USH1C: variants seen among roughly 807,000 people sequenced by gnomAD.
USH1C encodes the protein USH1 protein network component harmonin, also known as harmonin.
USH1C carries 90 observed loss-of-function variants against 119.3 expected under a neutral mutation model. That is an observed-to-expected ratio of 0.75 (90% CI 0.64 to 0.90). The LOEUF (loss-of-function observed/expected upper bound fraction) is 0.90. Ranked by LOEUF, USH1C falls within the 40% of genes least tolerant of loss-of-function variation. USH1C has a pLI of 0.00. For missense variants in USH1C, 1,165 were observed against 1,167.7 expected, an observed-to-expected ratio of 1.00 and a Z score of 0.03; for synonymous variants, 465 against 443.3, an observed-to-expected ratio of 1.05 and a Z score of -0.62.
At chr11:17,534,081 G>A (rs928180965) in intron 1 of USH1C, among the ~76,000 whole-genome samples, 1 of 152,260 alleles carries the variant, frequency 6.6e-6, no homozygotes, top group Non-Finnish European at 1.5e-5. Flanking sequence ...TTACCTCAGT[G>A]TGAATCTCTA....
rs768816943 is a variant in USH1C at position 17,509,700 on chromosome 11, T to G, written c.1669A>C (p.Thr557Pro). ...PLDMFYYPPK[T>P]PSALPVMPHP... ...GGCATCACAGGCAAGGCAGAGGGAGTCTTGGGGGGATAGTAGAACATGTCC... is the reference window on the plus strand; with the variant it reads ...GGCATCACAGGCAAGGCAGAGGGAGGCTTGGGGGGATAGTAGAACATGTCC... The change falls in exon 18 of 27, where the codon ACT becomes CCT. Residue 557 changes from threonine (T) to proline (P), a missense_variant. Thr to Pro is a conservative substitution (Grantham distance 38). Transcript: ENST00000005226. 1.7e-5 allele frequency: 27 copies of G among 1,597,236 alleles called. No individual in the cohort carries two copies. In the Admixed American group the frequency reaches 3.9e-4, roughly 23 times the overall value.
chr11:17,495,116 G>A (rs1354761535), intron 26 of USH1C: 3 of 250,994 alleles, frequency 1.2e-5, no homozygotes, highest in African/African-American at 4.4e-5. Context: ...GAGCTCCCAG[G>A]AGGTTGGCAT....
intron 15 of USH1C, 106 bp downstream of exon 15, chr11:17,516,135 G>T: frequency 1.6e-6 from 2 of 1,273,950 alleles, no homozygotes; most frequent in Non-Finnish European, 2.3e-6. Flanking sequence ...AAGTGAACAG[G>T]CCAAGTCACA....
intron 24 of USH1C, 33 bp from the exon 25 acceptor site, chr11:17,496,846 A>C: frequency 6.2e-7 from 1 of 1,613,284 alleles, no homozygotes; most frequent in Non-Finnish European, 8.5e-7. Flanking sequence ...TCTGGGGCAC[A>C]CTCAGTTGGA....
At chr11:17,497,206 T>C (rs544388571) in intron 24 of USH1C, among the ~76,000 whole-genome samples, 3 of 152,332 alleles carry the variant, frequency 2.0e-5, no homozygotes, top group African/African-American at 7.2e-5. Context: ...CGACGCACTT[T>C]CTGATGCACA....
At chr11:17,517,492 GA>G in intron 14 of USH1C, 1 of 1,577,218 alleles carries the variant, frequency 6.3e-7, no homozygotes, top group Admixed American at 1.8e-5. Flanking sequence ...GGGAAAAGAG[GA>G]GGAAGCTGGT....
intron 4 of USH1C, among the ~76,000 whole-genome samples, chr11:17,530,045 C>G (rs545153411): frequency 6.6e-6 from 1 of 152,342 alleles, no homozygotes; most frequent in African/African-American, 2.4e-5. Flanking sequence ...TCAGACACCA[C>G]CAGGGAGCCG....
Position 17,516,552 on chromosome 11 carries a change from T to C in USH1C, c.1211-262A>G, listed in dbSNP as rs1175715356. 11 of 512,074 alleles carry C rather than the reference T, an allele frequency of 2.1e-5. No homozygotes were observed. The Admixed American group carries it at 3.2e-4, about 15-fold the overall frequency. 31.7% of individuals were successfully genotyped at this position (512,074 alleles called of 1,614,324 possible). ...TCTCAAATGCCTCTCCCCAGAACAC[T>C]GGTTTCAGAAGTCAGGGCCAGAACA... On this transcript the variant is annotated intron_variant, in intron 14 of 26. Coordinates refer to ENST00000005226, the MANE Select transcript of USH1C (RefSeq NM_153676.4).
chr11:17,496,933 C>T (rs1849271353), intron 24 of USH1C, 120 bp from the exon 25 acceptor site: 1 of 1,178,684 alleles, frequency 8.5e-7, no homozygotes, highest in Admixed American at 2.0e-5. Flanking sequence ...ACCTTCTTCC[C>T]ACGGGCCCAC....
chr11:17,509,793 C>T lies in USH1C; in HGVS notation c.1576G>A (p.Ala526Thr), dbSNP rs727503711. 6 of 1,600,612 alleles carry T rather than the reference C, an allele frequency of 3.7e-6. No individual in the cohort carries two copies. The highest frequency in any genetic ancestry group is 5.1e-6 in the Non-Finnish European group (6 of 1,179,220). The change falls in exon 18 of 27, where the codon GCC (alanine) becomes ACC (threonine). Residue 526 changes from alanine (A) to threonine (T), a missense_variant. Ala to Thr is a moderately conservative substitution (Grantham distance 58, BLOSUM62 0). Coordinates refer to ENST00000005226, the MANE Select transcript of USH1C (RefSeq NM_153676.4). ...CCTGCGAAGCGTCTCAAGGGTGGGG[C>T]CAGGGGAGACACAGAAGGCGGGGGA... ...PPPPPSVSPL[A>T]PPLRRFAGGL...
rs185991713 is a variant in USH1C, at chr11:17,520,854, G to A, written c.1210+16C>T. On this transcript the variant is annotated intron_variant, in intron 14 of 26. Coordinates refer to ENST00000005226, the MANE Select transcript of USH1C (RefSeq NM_153676.4). The stretch of plus-strand genomic sequence containing the variant: ...ACTAGTTCCCTTAGCCTCTCCCCTC[G>A]GCTCATGAAACTTACACTTTGGCTT... 190 of 1,614,068 alleles carry A rather than the reference G, an allele frequency of 1.2e-4. No individual in the cohort carries two copies. Among genetic ancestry groups the A allele is most frequent in the Admixed American group, 3.7e-4 (22 of 60,014 alleles).
Position 17,504,712 on chromosome 11 carries a change from A to G in USH1C, c.2134-15T>C. On this transcript the variant is annotated splice_polypyrimidine_tract_variant and intron_variant, in intron 19 of 26. Transcript: ENST00000005226. ...ATCTCCTGTGGCTGCCAGAGGAAAA[A>G]AAAAAAAGTTCCACATTGGATGTTA... 6.2e-7 allele frequency: 1 copy of G among 1,613,796 alleles called. No homozygotes were observed.
intron 23 of USH1C, among the ~76,000 whole-genome samples, 162 bp downstream of exon 23, chr11:17,500,888 GC>G (rs1849410164): frequency 6.6e-6 from 1 of 152,210 alleles, no homozygotes; most frequent in South Asian, 2.1e-4. Flanking sequence ...GCCATCCCAT[GC>G]CCCCAGGGAT....
rs775076941 is a variant in USH1C, at chr11:17,522,961, C to G, written c.877-35G>C. ...GAAAAGAGGCCCCTTGCTCAGCCCC[C>G]GGGGAACCTGGGGATCCCCTGACAC... On this transcript the variant is annotated intron_variant, in intron 11 of 26. Transcript: ENST00000005226. 3.1e-6 allele frequency: 5 copies of G among 1,601,694 alleles called. No homozygotes were observed. The South Asian group carries it at 5.6e-5, about 18-fold the overall frequency.
chr11:17,501,945 G>C lies in USH1C; in HGVS notation c.2220C>G (p.Tyr740Ter), dbSNP rs771347766. The change falls in exon 21 of 27, where the codon TAC becomes TAG. Residue 740 changes from tyrosine to a stop codon, truncating the protein, a stop_gained. Transcript: ENST00000005226. LOFTEE classifies it high-confidence loss of function. ...GAGAAGCGTCATCTCTTACCATAGAGTAGGGGTCAAAGCCTTCCTCATATT... is the reference window on the plus strand; with the variant it reads ...GAGAAGCGTCATCTCTTACCATAGACTAGGGGTCAAAGCCTTCCTCATATT... Reference protein sequence around the residue: ...FRKYEEGFDPYSMFTPEQIMG... With the variant: ...FRKYEEGFDP 3 of 1,613,834 alleles carry C rather than the reference G, an allele frequency of 1.9e-6. No homozygotes were observed.
rs200420870 is a variant in USH1C, at chr11:17,495,555, G to A, written c.2655+14C>T. 905 of 1,612,690 alleles carry A rather than the reference G, an allele frequency of 5.6e-4. 2 individuals are homozygous for A. Among genetic ancestry groups the A allele is most frequent in the East Asian group, 5.6e-4 (25 of 44,876 alleles). On this transcript the variant is annotated intron_variant, in intron 26 of 26. Coordinates refer to ENST00000005226, the MANE Select transcript of USH1C (RefSeq NM_153676.4). ...AGGGACACACAGGGCCCTGTGGCCC[G>A]CCTGCCTATTCACCGTGGGCTCCAG...
intron 1 of USH1C, chr11:17,533,677 A>C: frequency 1.6e-5 from 8 of 489,596 alleles, no homozygotes; most frequent in Non-Finnish European, 2.0e-5. Context: ...GCTCACCCCC[A>C]TGGCTGTGTC....
intron 24 of USH1C, among the ~76,000 whole-genome samples, chr11:17,497,464 G>A (rs2133770411): frequency 6.6e-6 from 1 of 152,244 alleles, no homozygotes; most frequent in East Asian, 1.9e-4. Flanking sequence ...GAACACTTCT[G>A]CTCCCTCTGC....
Position 17,520,940 on chromosome 11 carries a change from T to G in USH1C, c.1140A>C (p.Ser380=), listed in dbSNP as rs2133868238. ...TTTTAGGCAAGAGTAGCTGTTCCTT[T>G]GAGCCCCAGTCTTCTTCCCATTGCT... is the stretch of plus-strand genomic sequence containing the variant. ...FKKQWEEDWG[S]KEQLLLPKTI... is the part of the protein sequence containing the mutation. Residue 380 remains serine, a synonymous_variant, in exon 14 of 27, where the codon TCA becomes TCC. Coordinates refer to ENST00000005226, the MANE Select transcript of USH1C (RefSeq NM_153676.4). 8.7e-6 allele frequency: 14 copies of G among 1,614,116 alleles called. No homozygotes were observed. The highest frequency in any genetic ancestry group is 1.2e-5 in the Non-Finnish European group (14 of 1,179,988).
Sources: allele counts gnomAD v4.1 joint callset (sites outside exome capture counted in the v4.1 genomes callset), GRCh38; gene constraint gnomAD v4.1.1; transcripts MANE v1.5; gene names NCBI Gene and HGNC (gene_info 2026-07-23, HGNC 2026-07-21).